The following RABGAP1 variants were observed in gnomAD, a reference collection of about 807,000 sequenced individuals.
The protein encoded by RABGAP1 is rab GTPase-activating protein 1.
RABGAP1 carries 23 observed loss-of-function variants against 137.6 expected under a neutral mutation model. The observed-to-expected ratio is 0.17, with a 90% CI of 0.12 to 0.24. The LOEUF is 0.24. Ranked by LOEUF, RABGAP1 falls within the 10% of genes least tolerant of loss-of-function variation. RABGAP1 has a pLI of 1.00. For synonymous variants in RABGAP1, 451 were observed against 450.7 expected (o/e 1.00, Z -0.01); for missense variants, 906 against 1,275.8 (o/e 0.71, Z 4.42).
chr9:123,075,861 G>A (rs1207398310), intron 17 of RABGAP1, among the ~76,000 whole-genome samples: 1 of 152,124 alleles, frequency 6.6e-6, no homozygotes, highest in African/African-American at 2.4e-5. Flanking sequence ...CTGGAATATA[G>A]GGCTTATCGA....
intron 19 of RABGAP1, chr9:123,089,517 T>C (rs1396271929): frequency 1.1e-5 from 5 of 443,392 alleles, no homozygotes; most frequent in Non-Finnish European, 1.6e-5. Context: ...GTGTTCATTC[T>C]AATACTGTCA....
intron 2 of RABGAP1, among the ~76,000 whole-genome samples, chr9:122,967,297 A>C (rs990475794): frequency 3.9e-5 from 6 of 152,172 alleles, no homozygotes; most frequent in Admixed American, 2.6e-4. Flanking sequence ...AAGAAGTGGA[A>C]ATAAATATAG....
intron 22 of RABGAP1, 71 bp downstream of exon 22, chr9:123,097,916 T>G (rs935686324): frequency 1.7e-5 from 23 of 1,323,412 alleles, no homozygotes; most frequent in Non-Finnish European, 2.2e-5. Flanking sequence ...GGTGGCTTCC[T>G]GTTGGCACTA....
At chr9:123,021,455 C>G (rs1290021559) in intron 13 of RABGAP1, among the ~76,000 whole-genome samples, 1 of 151,480 alleles carries the variant, frequency 6.6e-6, no homozygotes, top group Non-Finnish European at 1.5e-5. Flanking sequence ...TCCCAAGAAG[C>G]TGGGATTACA....
chr9:122,939,411 A>G (rs1001323433), upstream of RABGAP1: 3 of 152,126 alleles, frequency 2.0e-5, no homozygotes, highest in Non-Finnish European at 2.9e-5. Flanking sequence ...GGCTCAAGCC[A>G]TCCTCCCACC....
chr9:122,938,747 T>G, upstream of RABGAP1: 1 of 152,206 alleles, frequency 6.6e-6, no homozygotes, highest in East Asian at 1.9e-4. Flanking sequence ...AAACATGAAG[T>G]ATAACCTGTC....
chr9:123,006,889 G>T (rs975773128), intron 10 of RABGAP1, among the ~76,000 whole-genome samples: 1 of 151,976 alleles, frequency 6.6e-6, no homozygotes. Context: ...GATTACAGGC[G>T]TGAGCCACTG....
At chr9:123,004,964 G>A (rs2131850107) in intron 10 of RABGAP1, among the ~76,000 whole-genome samples, 1 of 147,830 alleles carries the variant, frequency 6.8e-6, no homozygotes, top group South Asian at 2.1e-4. Flanking sequence ...GCCGAGGCAG[G>A]AGAATCACTT....
intron 4 of RABGAP1, 143 bp downstream of exon 4, chr9:122,986,562 C>T (rs1588217190): frequency 5.5e-6 from 5 of 904,698 alleles, no homozygotes; most frequent in Non-Finnish European, 8.3e-6. Context: ...TCATGTCTCC[C>T]AAGGACTGTG....
At chr9:122,972,502 G>A (rs1298385744) in intron 2 of RABGAP1, among the ~76,000 whole-genome samples, 4 of 152,128 alleles carry the variant, frequency 2.6e-5, no homozygotes, top group African/African-American at 9.7e-5. Flanking sequence ...TAGGACAGGA[G>A]TAGCAGCTGT....
intron 21 of RABGAP1, among the ~76,000 whole-genome samples, chr9:123,092,179 T>C (rs1210811649): frequency 6.6e-6 from 1 of 152,214 alleles, no homozygotes; most frequent in Non-Finnish European, 1.5e-5. Context: ...AGGCCCAGTA[T>C]TAACAGTGAC....
chr9:123,084,560 A>G (rs2034810761), intron 19 of RABGAP1, among the ~76,000 whole-genome samples: 1 of 152,232 alleles, frequency 6.6e-6, no homozygotes, highest in Non-Finnish European at 1.5e-5. Context: ...AAACTTTGAA[A>G]GCAGCTCCAC....
chr9:123,076,422 AC>A, intron 18 of RABGAP1, 136 bp downstream of exon 18: 1 of 1,174,154 alleles, frequency 8.5e-7, no homozygotes, highest in Middle Eastern at 2.1e-4. Context: ...GGTGGCTCTG[AC>A]AAAAGCGAAG....
At chr9:123,063,395 T>G (rs2034052783) in intron 13 of RABGAP1, 1 of 152,696 alleles carries the variant, frequency 6.5e-6, no homozygotes, top group Non-Finnish European at 1.5e-5. Context: ...TTCATGCATT[T>G]ATATGTTCAG....
chr9:122,997,508 A>G (rs527906936), intron 9 of RABGAP1, 147 bp downstream of exon 9: 3 of 504,902 alleles, frequency 5.9e-6, no homozygotes, highest in South Asian at 4.9e-5. Context: ...TTATTATTAA[A>G]TTTGACCTAT....
intron 13 of RABGAP1, among the ~76,000 whole-genome samples, chr9:123,058,002 A>G (rs1006332823): frequency 4.9e-4 from 70 of 141,820 alleles, no homozygotes; most frequent in African/African-American, 1.7e-3. Context: ...AGACGGCAGC[A>G]GCACAGTCCA....
Position 123,049,525 on chromosome 9 carries a change from T to C in RABGAP1, c.1795-15823T>C, listed in dbSNP as rs544014462. On this transcript the variant is annotated intron_variant, in intron 13 of 25. Coordinates refer to ENST00000373647, the MANE Select transcript of RABGAP1 (RefSeq NM_012197.4). The stretch of plus-strand genomic sequence containing the variant: ...GTATTTAATATTGAGCTCTACAGTG[T>C]TTTCATTAGTATGGTTCATAGGCTA... Among the ~76,000 whole-genome samples, 157 of 152,336 alleles carry C rather than the reference T, an allele frequency of 1.0e-3. 1 individual carries two copies. Among genetic ancestry groups the C allele is most frequent in the Non-Finnish European group, 1.9e-3 (131 of 68,032 alleles).
At chr9:123,101,497 A>G in intron 24 of RABGAP1, 69 bp from the exon 25 acceptor site, 2 of 1,422,598 alleles carry the variant, frequency 1.4e-6, no homozygotes, top group Non-Finnish European at 1.9e-6. Flanking sequence ...CCCCCAAAGG[A>G]GATGCTCACA....
At chr9:123,029,082 A>G (rs780722432) in intron 13 of RABGAP1, among the ~76,000 whole-genome samples, 2 of 152,160 alleles carry the variant, frequency 1.3e-5, no homozygotes, top group African/African-American at 2.4e-5. Context: ...GATAATTTCA[A>G]CTTGGATTGG....
Sources: gnomAD v4.1 joint callset for allele counts (sites outside exome capture counted in the v4.1 genomes callset) on GRCh38, gnomAD v4.1.1 for gene constraint, MANE v1.5 for transcripts, NCBI Gene and HGNC (gene_info 2026-07-23, HGNC 2026-07-21) for gene names.